Variants in AGBL1 observed in about 807,000 individuals in gnomAD.
The protein encoded by AGBL1 is cytosolic carboxypeptidase 4.
AGBL1 carries 130 observed loss-of-function variants against 118.9 expected under a neutral mutation model. The ratio of observed to expected loss-of-function variants is 1.09; its 90% CI spans 0.95 to 1.26. The LOEUF is 1.26. Among genes scored for constraint, AGBL1 ranks in the 50% most tolerant of loss-of-function variants. AGBL1 has a pLI of 0.00. For synonymous variants in AGBL1, 555 were observed against 478.9 expected, an observed-to-expected ratio of 1.16 and a Z score of -2.08; for missense variants, 1,584 against 1,298.1, an observed-to-expected ratio of 1.22 and a Z score of -3.38.
At chr15:86,375,180 C>G (rs963364402) in intron 17 of AGBL1, among the ~76,000 whole-genome samples, 1 of 152,164 alleles carries the variant, frequency 6.6e-6, no homozygotes, top group Admixed American at 6.5e-5. Context: ...TAGCCATTCT[C>G]ACACTGCCTA....
intron 21 of AGBL1, among the ~76,000 whole-genome samples, chr15:86,578,181 A>G (rs1025677593): frequency 1.4e-4 from 21 of 152,204 alleles, no homozygotes; most frequent in Non-Finnish European, 4.4e-5. Flanking sequence ...GCCCAAGACC[A>G]TGGAAACGCA....
At chr15:86,865,325 G>A (rs2079610925) in intron 22 of AGBL1, among the ~76,000 whole-genome samples, 1 of 152,180 alleles carries the variant, frequency 6.6e-6, no homozygotes, top group Non-Finnish European at 1.5e-5. Flanking sequence ...TCACAAGTGT[G>A]AAAACTGCAA....
chr15:86,563,987 A>T (rs986770618), intron 21 of AGBL1, among the ~76,000 whole-genome samples: 11 of 152,106 alleles, frequency 7.2e-5, no homozygotes, highest in Non-Finnish European at 1.3e-4. Flanking sequence ...TGCTTGGTAG[A>T]TCTTCCTCCA....
chr15:86,884,507 TA>T (rs1235115214), intron 22 of AGBL1, among the ~76,000 whole-genome samples: 1 of 152,162 alleles, frequency 6.6e-6, no homozygotes, highest in African/African-American at 2.4e-5. Context: ...CATTTTAAAA[TA>T]AAAAAGTTAA....
At chr15:86,735,653 G>GCTATATATAT (rs1555444825) in intron 22 of AGBL1, among the ~76,000 whole-genome samples, 2 of 143,006 alleles carry the variant, frequency 1.4e-5, no homozygotes, top group African/African-American at 5.4e-5. Flanking sequence ...GCTACAAAGA[G>GCTATATATAT]AGATATATAT....
rs183588077 is a variant in AGBL1, at chr15:86,143,774, C to G, written c.191C>G (p.Ala64Gly). The stretch of plus-strand genomic sequence containing the variant: ...CTTCTGCAGACCCTGGTAGACACAG[C>G]GAGGACAGCTCCTCCAGACTATGAC... ...EALLQTLVDT[A>G]RTAPPDYDIL... is the part of the protein sequence containing the mutation. Residue 64 changes from alanine (A) to glycine (G), a missense_variant, in exon 3 of 23, where the codon GCG becomes GGG. Transcript: ENST00000614907. 6 of 1,613,880 alleles carry G rather than the reference C, an allele frequency of 3.7e-6. No individual in the cohort carries two copies. The Admixed American group carries it at 1.0e-4, about 27-fold the overall frequency.
At chr15:87,024,553 C>A (rs762256094) in intron 24 of AGBL1, among the ~76,000 whole-genome samples, 1 of 151,942 alleles carries the variant, frequency 6.6e-6, no homozygotes, top group Non-Finnish European at 1.5e-5. Context: ...AGAATTCTAC[C>A]AGACATTCAA....
At chr15:86,104,830 G>C (rs1318037161) in intron 1 of AGBL1, among the ~76,000 whole-genome samples, 1 of 152,152 alleles carries the variant, frequency 6.6e-6, no homozygotes, top group Non-Finnish European at 1.5e-5. Flanking sequence ...TCCCTCTCTG[G>C]AGTAATGCCA....
intron 5 of AGBL1, among the ~76,000 whole-genome samples, chr15:86,196,858 TGTGCACATGTGCGCGC>T (rs768996500): frequency 0.016 from 1,835 of 116,278 alleles, 59 homozygotes; most frequent in East Asian, 0.049. Flanking sequence ...CATATGCGAA[TGTGCACATGTGCGCGC>T]GCGCGCACAC....
intron 16 of AGBL1, among the ~76,000 whole-genome samples, chr15:86,293,127 C>G (rs1377079334): frequency 6.6e-6 from 1 of 152,140 alleles, no homozygotes; most frequent in African/African-American, 2.4e-5. Context: ...TAGTCTATTC[C>G]TATTCAGATG....
chr15:87,011,302 T>G (rs923380400), intron 24 of AGBL1, among the ~76,000 whole-genome samples: 4 of 152,164 alleles, frequency 2.6e-5, no homozygotes, highest in Admixed American at 2.6e-4. Flanking sequence ...CCACACTATC[T>G]AAATTTGAAC....
intron 5 of AGBL1, among the ~76,000 whole-genome samples, chr15:86,170,358 A>G (rs979667091): frequency 6.6e-6 from 1 of 152,192 alleles, no homozygotes; most frequent in Admixed American, 6.5e-5. Flanking sequence ...CTAGTGAACT[A>G]TGGGACAACT....
chr15:86,171,396 G>C (rs1261857650), intron 5 of AGBL1, among the ~76,000 whole-genome samples: 6 of 152,270 alleles, frequency 3.9e-5, no homozygotes, highest in African/African-American at 1.4e-4. Flanking sequence ...GTATTCTATT[G>C]TAAGTGTCTT....
At chr15:86,120,979 C>G (rs747000712) in intron 1 of AGBL1, among the ~76,000 whole-genome samples, 13 of 151,910 alleles carry the variant, frequency 8.6e-5, no homozygotes, top group Non-Finnish European at 1.8e-4. Context: ...TCACTGCAAC[C>G]TCTGCCTCCT....
chr15:86,619,425 C>CCTAAAACAA lies in AGBL1; in HGVS notation c.2995-54848_2995-54847insCTAAAACAA, dbSNP rs2084774928. ...ATGTCCTAAAACAAAATGAAAAGTT[C>CCTAAAACAA]AGTGGGAAATGATAAAGTTCAGATT... On this transcript the variant is annotated intron_variant, in intron 21 of 22. Coordinates refer to ENST00000614907, the MANE Select transcript of AGBL1 (RefSeq NM_001386094.1). 6.6e-5 allele frequency among the ~76,000 whole-genome samples: 10 copies of CCTAAAACAA among 152,264 alleles called. No individual in the cohort carries two copies. The South Asian group carries it at 2.1e-3, about 32-fold the overall frequency.
chr15:86,711,789 C>A (rs193099056), intron 22 of AGBL1, among the ~76,000 whole-genome samples: 217 of 152,242 alleles, frequency 1.4e-3, no homozygotes, highest in Non-Finnish European at 2.4e-3. Context: ...TCCTGATCCA[C>A]AAAGTCTAAA....
chr15:86,395,266 G>T (rs961645676), intron 17 of AGBL1, among the ~76,000 whole-genome samples: 3 of 151,942 alleles, frequency 2.0e-5, no homozygotes, highest in African/African-American at 7.2e-5. Flanking sequence ...CACATAACTT[G>T]TCTTCATTTT....
chr15:86,364,537 C>G (rs2080850443), intron 17 of AGBL1, among the ~76,000 whole-genome samples: 2 of 152,136 alleles, frequency 1.3e-5, no homozygotes, highest in Admixed American at 1.3e-4. Context: ...CCACCTCCCA[C>G]TGATTGGAAT....
chr15:86,498,522 A>G (rs1344413012), intron 18 of AGBL1, among the ~76,000 whole-genome samples: 1 of 152,016 alleles, frequency 6.6e-6, no homozygotes, highest in Non-Finnish European at 1.5e-5. Flanking sequence ...CAGATTTGTC[A>G]CATGATTTGA....
Sources: gnomAD v4.1 joint callset for allele counts (sites outside exome capture counted in the v4.1 genomes callset) on GRCh38, gnomAD v4.1.1 for gene constraint, MANE v1.5 for transcripts, NCBI Gene and HGNC (gene_info 2026-07-23, HGNC 2026-07-21) for gene names.